HEPH: variants seen among roughly 807,000 people sequenced by gnomAD.
HEPH encodes the protein hephaestin.
A neutral mutation model predicts 80.8 loss-of-function variants in HEPH; 69 were observed. The observed-to-expected ratio is 0.85, with a 90% CI of 0.70 to 1.04. The LOEUF is 1.04. Among genes scored for constraint, HEPH ranks in the 50% least tolerant of loss-of-function variants. The pLI is 0.00. For missense variants in HEPH, 1,115 were observed against 891.3 expected (o/e 1.25, Z -3.20); for synonymous variants, 431 against 322.8 (o/e 1.34, Z -3.60).
At chrX:66,186,625 C>T (rs915626456) in intron 4 of HEPH, among the ~76,000 whole-genome samples, 20 of 111,846 alleles carry the variant, frequency 1.8e-4, no homozygotes, top group African/African-American at 6.5e-4. Flanking sequence ...GAGATGAACC[C>T]GGTACCTCAG....
chrX:66,227,854 G>T (rs2089956406), intron 15 of HEPH, among the ~76,000 whole-genome samples: 1 of 110,671 alleles, frequency 9.0e-6, no homozygotes, highest in African/African-American at 3.3e-5. Context: ...TCTTCTTTTT[G>T]CTTCACCTTG....
rs190272159 is a variant in HEPH, at chrX:66,175,942, C to G, written c.625+2141C>G. 9.9e-5 allele frequency among the ~76,000 whole-genome samples: 11 copies of G among 111,345 alleles called. No individual in the cohort carries two copies. In the East Asian group the frequency reaches 3.1e-3, roughly 31 times the overall value. On this transcript the variant is annotated intron_variant, in intron 4 of 20. Coordinates refer to ENST00000343002, the MANE Select transcript of HEPH (RefSeq NM_001367233.3). ...GAGTCTTTAGGGTTTTCAAGGTAAA[C>G]TATCATATTGTCAGCAAACAGTGAC...
At chrX:66,263,577 T>C in intron 19 of HEPH, 67 bp from the exon 20 acceptor site, 1 of 1,125,164 alleles carries the variant, frequency 8.9e-7, no homozygotes, top group Non-Finnish European at 1.2e-6. Flanking sequence ...TGACCTTTCA[T>C]AGGGGGCCTA....
At chrX:66,211,493 A>T (rs894025246) in intron 15 of HEPH, among the ~76,000 whole-genome samples, 1 of 110,157 alleles carries the variant, frequency 9.1e-6, no homozygotes, top group Non-Finnish European at 1.9e-5. Context: ...TTTCTTTCAC[A>T]CTCACCACCC....
At chrX:66,208,273 C>T (rs1480474104) in intron 15 of HEPH, 27 bp downstream of exon 15, 1 of 1,190,069 alleles carries the variant, frequency 8.4e-7, no homozygotes, top group South Asian at 1.9e-5. Flanking sequence ...AGTGAAAGAA[C>T]AAAGGACATG....
At chrX:66,259,987 C>A (rs753287642) in intron 18 of HEPH, 113 bp from the exon 19 acceptor site, 296 of 578,148 alleles carry the variant, frequency 5.1e-4, no homozygotes, top group Non-Finnish European at 5.3e-4. Flanking sequence ...GGTCTAGGAA[C>A]CTTGAAGTCT....
At position 66,258,956 on chromosome X, in the gene HEPH, C is replaced by A. The variant is rs1281404764; in HGVS notation, c.3013C>A (p.His1005Asn). The A allele has an allele frequency of 2.5e-6, 3 of 1,201,335 alleles. No individual in the cohort carries two copies. The highest frequency in any genetic ancestry group is 3.4e-6 in the Non-Finnish European group (3 of 891,671). The change falls in exon 18 of 21, where the codon CAT (histidine) becomes AAT (asparagine). Residue 1005 changes from histidine (H) to asparagine (N), a missense_variant. By Grantham distance (68) the His-to-Asn change is moderately conservative. Coordinates refer to ENST00000343002, the MANE Select transcript of HEPH (RefSeq NM_001367233.3). ...TGTGGATCTACACACCATCCACTTT[C>A]ATGCAGAGAGCTTCCTCTATCGGGT... Reference protein sequence around the residue: ...QDVDLHTIHFHAESFLYRNGE... With the variant: ...QDVDLHTIHFNAESFLYRNGE...
intron 15 of HEPH, among the ~76,000 whole-genome samples, chrX:66,236,911 G>C (rs1350728931): frequency 9.0e-6 from 1 of 111,595 alleles, no homozygotes; most frequent in Non-Finnish European, 1.9e-5. Context: ...GTGCATAGAG[G>C]TGTTAATAAT....
At chrX:66,173,007 A>C (rs1361276909) in intron 3 of HEPH, among the ~76,000 whole-genome samples, 4 of 112,423 alleles carry the variant, frequency 3.6e-5, no homozygotes, top group African/African-American at 1.3e-4. Context: ...AGGGGAGTTC[A>C]GCTTATTTAT....
intron 15 of HEPH, among the ~76,000 whole-genome samples, chrX:66,249,655 A>T (rs1367602414): frequency 8.9e-6 from 1 of 112,003 alleles, no homozygotes; most frequent in Non-Finnish European, 1.9e-5. Context: ...CAGAGAAGGC[A>T]GATTGTAAAA....
At chrX:66,213,806 T>C (rs893464425) in intron 15 of HEPH, among the ~76,000 whole-genome samples, 3 of 112,164 alleles carry the variant, frequency 2.7e-5, no homozygotes, top group Non-Finnish European at 5.6e-5. Context: ...AAAACAAACA[T>C]TCCTGAAGCA....
chrX:66,218,524 A>T (rs2089494735), intron 15 of HEPH, among the ~76,000 whole-genome samples: 1 of 111,791 alleles, frequency 8.9e-6, no homozygotes, highest in African/African-American at 3.3e-5. Flanking sequence ...ACCTATCGAA[A>T]CCTCTGGGAT....
At chrX:66,261,569 AATAT>A (rs1174905724) in intron 19 of HEPH, among the ~76,000 whole-genome samples, 4 of 107,756 alleles carry the variant, frequency 3.7e-5, no homozygotes, top group African/African-American at 1.4e-4. Context: ...GCTTTTAAAG[AATAT>A]ATAGCCACCA....
intron 17 of HEPH, among the ~76,000 whole-genome samples, chrX:66,257,773 G>A (rs1368127074): frequency 8.9e-6 from 1 of 111,881 alleles, no homozygotes; most frequent in African/African-American, 3.2e-5. Context: ...ATTTGGTAGA[G>A]GTAGACATAG....
At chrX:66,249,964 T>C (rs956218320) in intron 15 of HEPH, among the ~76,000 whole-genome samples, 2 of 111,144 alleles carry the variant, frequency 1.8e-5, no homozygotes, top group Admixed American at 1.9e-4. Flanking sequence ...GTGCAGGATA[T>C]TTGTAAAAGA....
chrX:66,171,509 G>A (rs752584875), intron 2 of HEPH, among the ~76,000 whole-genome samples: 94 of 111,977 alleles, frequency 8.4e-4, no homozygotes, highest in African/African-American at 2.2e-3. Flanking sequence ...ATGAATGTAC[G>A]AAAAACTATT....
intron 15 of HEPH, among the ~76,000 whole-genome samples, chrX:66,252,830 A>C (rs1260748618): frequency 8.9e-6 from 1 of 112,084 alleles, no homozygotes; most frequent in Non-Finnish European, 1.9e-5. Context: ...TTTTCAACAA[A>C]AGTGCCAAGA....
At chrX:66,253,374 C>T (rs772548977) in intron 15 of HEPH, among the ~76,000 whole-genome samples, 2 of 112,092 alleles carry the variant, frequency 1.8e-5, no homozygotes, top group Non-Finnish European at 3.8e-5. Flanking sequence ...CATGGTTAAC[C>T]GTCAGAGAAA....
At chrX:66,246,084 G>A (rs756565806) in intron 15 of HEPH, among the ~76,000 whole-genome samples, 3 of 112,038 alleles carry the variant, frequency 2.7e-5, no homozygotes, top group Non-Finnish European at 5.6e-5. Context: ...AGTCCCAGCA[G>A]AAGTGGGACT....
Sources: allele counts gnomAD v4.1 joint callset (sites outside exome capture counted in the v4.1 genomes callset), GRCh38; gene constraint gnomAD v4.1.1; transcripts MANE v1.5; gene names NCBI Gene and HGNC (gene_info 2026-07-23, HGNC 2026-07-21).